INSL6: variants seen among roughly 807,000 people sequenced by gnomAD.
INSL6 encodes insulin-like peptide INSL6.
A neutral mutation model predicts 9.4 loss-of-function variants in INSL6; 16 were observed. The ratio of observed to expected loss-of-function variants is 1.70; its 90% CI spans 1.15 to 2.59. The LOEUF is 2.59. INSL6 is among the 30% of genes most tolerant of loss of function. The pLI, the probability that INSL6 is intolerant of heterozygous loss-of-function variation, is 0.00. For missense variants in INSL6, 391 were observed against 257.3 expected (o/e 1.52, Z -3.56); for synonymous variants, 154 against 96.9 (o/e 1.59, Z -3.46).
At chr9:5,014,125 C>T in the INSL6 span, among the ~76,000 whole-genome samples, 18 of 149,586 alleles carry the variant, frequency 1.2e-4, no homozygotes, top group East Asian at 2.0e-4. Context: ...TGTATGTGTA[C>T]AGTTGATTAA....
chr9:5,088,173 A>C, the INSL6 span, among the ~76,000 whole-genome samples: 1 of 152,244 alleles, frequency 6.6e-6, no homozygotes, highest in East Asian at 1.9e-4. Flanking sequence ...GGTCACAGAG[A>C]GAGCAAGTTG....
chr9:5,060,983 C>CA, the INSL6 span, among the ~76,000 whole-genome samples: 1 of 152,228 alleles, frequency 6.6e-6, no homozygotes, highest in Non-Finnish European at 1.5e-5. Context: ...ACATCTCTGT[C>CA]AGAGCGCTTG....
At chr9:5,150,848 C>CACAG (rs1554689975) in intron 2 of INSL6, among the ~76,000 whole-genome samples, 6 of 65,902 alleles carry the variant, frequency 9.1e-5, no homozygotes, top group Admixed American at 8.8e-4. Flanking sequence ...ATAAAGGAGA[C>CACAG]ACACACACAC....
At chr9:5,166,265 T>C (rs1825048665) in intron 1 of INSL6, among the ~76,000 whole-genome samples, 1 of 152,142 alleles carries the variant, frequency 6.6e-6, no homozygotes, top group African/African-American at 2.4e-5. Flanking sequence ...CTTTACAAAG[T>C]CTTTCTAGGT....
chr9:5,089,640 T>G, the INSL6 span: 4 of 1,159,082 alleles, frequency 3.5e-6, no homozygotes, highest in African/African-American at 6.3e-5. Flanking sequence ...CTTGAAAACT[T>G]GGTATTTCCA....
chr9:5,114,669 G>C, the INSL6 span: 1 of 441,836 alleles, frequency 2.3e-6, no homozygotes, highest in East Asian at 6.0e-5. Flanking sequence ...CAAGGGCTCT[G>C]GCGTCTTAGT....
At chr9:5,034,910 G>A in the INSL6 span, among the ~76,000 whole-genome samples, 735 of 152,272 alleles carry the variant, frequency 4.8e-3, 9 homozygotes, top group African/African-American at 0.017. Flanking sequence ...AGGACATAGA[G>A]AGACAAAAAA....
At chr9:4,996,009 C>T in the INSL6 span, among the ~76,000 whole-genome samples, 1 of 152,072 alleles carries the variant, frequency 6.6e-6, no homozygotes, top group African/African-American at 2.4e-5. Context: ...CTGAGGGAAG[C>T]TTGTCATTTC....
chr9:5,183,839 T>C (rs1825509996), intron 1 of INSL6, among the ~76,000 whole-genome samples: 1 of 151,808 alleles, frequency 6.6e-6, no homozygotes, highest in Admixed American at 6.6e-5. Flanking sequence ...GGCCACGAAC[T>C]AGCAGCACCT....
chr9:5,114,309 G>C, the INSL6 span: 1 of 542,840 alleles, frequency 1.8e-6, no homozygotes, highest in South Asian at 1.6e-5. Context: ...TTGGTCCCAG[G>C]CCAGTGGGAA....
chr9:5,172,757 G>A (rs1326574237), intron 1 of INSL6, among the ~76,000 whole-genome samples: 1 of 152,088 alleles, frequency 6.6e-6, no homozygotes, highest in Non-Finnish European at 1.5e-5. Flanking sequence ...GTGAAACCCT[G>A]CCTCTTCTAA....
chr9:5,157,014 C>CA (rs1177231323), intron 2 of INSL6, among the ~76,000 whole-genome samples: 2 of 151,830 alleles, frequency 1.3e-5, no homozygotes, highest in Non-Finnish European at 2.9e-5. Context: ...AAGACTGTTT[C>CA]AAAAAATAAA....
chr9:4,999,765 T>A, the INSL6 span, among the ~76,000 whole-genome samples: 3 of 152,332 alleles, frequency 2.0e-5, no homozygotes, highest in East Asian at 5.8e-4. Flanking sequence ...ATTTTTAATA[T>A]CTTTATAGTA....
the INSL6 span, among the ~76,000 whole-genome samples, chr9:5,005,228 G>A: frequency 6.7e-6 from 1 of 150,170 alleles, no homozygotes; most frequent in African/African-American, 2.5e-5. Flanking sequence ...GGGATTACAG[G>A]GTTGAGCCAC....
At chr9:5,016,646 T>C in the INSL6 span, among the ~76,000 whole-genome samples, 2 of 152,202 alleles carry the variant, frequency 1.3e-5, no homozygotes, top group Admixed American at 6.5e-5. Context: ...GAACACACCT[T>C]TGTTAACCAC....
At chr9:5,060,605 C>G in the INSL6 span, among the ~76,000 whole-genome samples, 1 of 152,218 alleles carries the variant, frequency 6.6e-6, no homozygotes, top group Non-Finnish European at 1.5e-5. Flanking sequence ...ATCTTCAGCT[C>G]TACTTCTAAT....
At chr9:5,095,990 C>A in the INSL6 span, among the ~76,000 whole-genome samples, 7 of 152,270 alleles carry the variant, frequency 4.6e-5, no homozygotes, top group South Asian at 1.2e-3. Flanking sequence ...GCTTTACCTC[C>A]ATTAACAGGA....
chr9:5,069,973 C>T, the INSL6 span: 16 of 1,605,724 alleles, frequency 1.0e-5, no homozygotes, highest in South Asian at 1.8e-4. Flanking sequence ...TCTGATGTAC[C>T]AACCTCACCA....
At chr9:5,046,767 G>C in the INSL6 span, among the ~76,000 whole-genome samples, 2 of 152,094 alleles carry the variant, frequency 1.3e-5, no homozygotes, top group African/African-American at 4.8e-5. Flanking sequence ...GGGGAATGGA[G>C]AGAGGCTTCT....
Sources: gnomAD v4.1 joint callset for allele counts (sites outside exome capture counted in the v4.1 genomes callset) on GRCh38, gnomAD v4.1.1 for gene constraint, MANE v1.5 for transcripts, NCBI Gene and HGNC (gene_info 2026-07-23, HGNC 2026-07-21) for gene names.